The following CAST variants were observed in gnomAD, a reference collection of about 807,000 sequenced individuals.
CAST encodes the protein calpastatin.
A neutral mutation model predicts 119.6 loss-of-function variants in CAST; 76 were observed. That is an observed-to-expected ratio of 0.64 (90% CI 0.53 to 0.77). The LOEUF is 0.77. CAST is among the 30% of genes least tolerant of loss of function. The pLI is 0.00. For missense variants in CAST, 953 were observed against 946.5 expected, an observed-to-expected ratio of 1.01 and a Z score of -0.09; for synonymous variants, 319 against 331.6, an observed-to-expected ratio of 0.96 and a Z score of 0.41.
the CAST span, among the ~76,000 whole-genome samples, chr5:96,072,237 T>C: frequency 2.6e-5 from 4 of 151,928 alleles, no homozygotes; most frequent in Admixed American, 1.3e-4. Context: ...CTGACCCTCG[T>C]GGTTGTGGAG....
At chr5:96,216,685 A>T in the CAST span, among the ~76,000 whole-genome samples, 1 of 152,136 alleles carries the variant, frequency 6.6e-6, no homozygotes, top group African/African-American at 2.4e-5. Context: ...ATGGTGGTGG[A>T]TATGTTTTCC....
chr5:96,742,857 A>G (rs748067447), intron 16 of CAST, 101 bp downstream of exon 16: 2 of 804,290 alleles, frequency 2.5e-6, no homozygotes, highest in Admixed American at 2.1e-5. Flanking sequence ...TTTATTGGAG[A>G]GTAAAAGTGA....
At chr5:96,393,916 G>T in the CAST span, among the ~76,000 whole-genome samples, 42 of 152,284 alleles carry the variant, frequency 2.8e-4, no homozygotes, top group East Asian at 5.4e-3. Flanking sequence ...GCTCAGAGAA[G>T]CCAACCTTGG....
the CAST span, among the ~76,000 whole-genome samples, chr5:96,493,837 C>T: frequency 6.6e-6 from 1 of 152,076 alleles, no homozygotes; most frequent in Non-Finnish European, 1.5e-5. Flanking sequence ...GAGTTCGAGA[C>T]CAGGCTGGCC....
the CAST span, among the ~76,000 whole-genome samples, chr5:96,357,458 G>T: frequency 2.0e-5 from 3 of 152,134 alleles, no homozygotes; most frequent in Middle Eastern, 3.2e-3. Context: ...GTACGATATT[G>T]GCTGTGGGTT....
chr5:96,773,631 ATT>A lies in CAST; in HGVS notation c.*1017_*1018del, dbSNP rs1773239365. The A allele has an allele frequency of 6.6e-6, 1 of 152,028 alleles. No individual in the cohort carries two copies. Among genetic ancestry groups the A allele is most frequent in the South Asian group, 2.1e-4 (1 of 4,830 alleles). 9.4% of individuals were successfully genotyped at this position (152,028 alleles called of 1,614,324 possible). A position where few individuals can be genotyped will look rare whatever the true frequency, so the allele number is the denominator to read the frequency against. On this transcript the variant is annotated 3_prime_UTR_variant, in exon 32 of 32. Coordinates refer to ENST00000675179, the MANE Select transcript of CAST (RefSeq NM_001750.7). ...TATATATATTAAATTTGAAACCTGC[ATT>A]TCTCCCACAGCAATGTAAGAAGTAG... is the stretch of plus-strand genomic sequence containing the variant.
chr5:96,721,358 C>T (rs556164963), intron 3 of CAST, among the ~76,000 whole-genome samples: 2 of 152,248 alleles, frequency 1.3e-5, no homozygotes, highest in African/African-American at 2.4e-5. Flanking sequence ...ATGTGTTCTG[C>T]ATTAACTGAG....
chr5:96,620,999 G>A (rs927541353), intron 1 of CAST, among the ~76,000 whole-genome samples: 3 of 152,096 alleles, frequency 2.0e-5, no homozygotes, highest in African/African-American at 7.2e-5. Flanking sequence ...AGGCAAAGCC[G>A]GTTCTTAACT....
the CAST span, among the ~76,000 whole-genome samples, chr5:96,254,248 C>T: frequency 6.6e-6 from 1 of 152,144 alleles, no homozygotes. Context: ...CTTACTTTCT[C>T]CAGGGCACAA....
the CAST span, among the ~76,000 whole-genome samples, chr5:96,348,484 A>T: frequency 2.0e-5 from 3 of 152,172 alleles, no homozygotes; most frequent in Admixed American, 2.0e-4. Flanking sequence ...CAGATGAAGG[A>T]ATTGCTTTTG....
the CAST span, among the ~76,000 whole-genome samples, chr5:96,363,677 A>G: frequency 6.6e-6 from 1 of 152,082 alleles, no homozygotes; most frequent in Non-Finnish European, 1.5e-5. Context: ...ATTTTTGCAC[A>G]TTGATTTTGT....
chr5:96,412,752 G>GTTTTTTTGTTTTT, the CAST span, among the ~76,000 whole-genome samples: 7 of 71,804 alleles, frequency 9.7e-5, no homozygotes, highest in African/African-American at 6.3e-4. Flanking sequence ...CAGCTGTGAT[G>GTTTTTTTGTTTTT]TTTTTTTTTT....
the CAST span, among the ~76,000 whole-genome samples, chr5:96,241,104 C>T: frequency 6.6e-6 from 1 of 151,688 alleles, no homozygotes; most frequent in East Asian, 1.9e-4. Context: ...GGTACATGTG[C>T]ACAATGTGCA....
chr5:96,536,300 G>A (rs556794946), intron 1 of CAST, among the ~76,000 whole-genome samples: 36 of 152,092 alleles, frequency 2.4e-4, no homozygotes, highest in East Asian at 7.8e-4. Flanking sequence ...TGGAGGTTAC[G>A]GTGAGCCGAG....
At chr5:96,328,267 G>C in the CAST span, among the ~76,000 whole-genome samples, 1 of 152,148 alleles carries the variant, frequency 6.6e-6, no homozygotes, top group Non-Finnish European at 1.5e-5. Context: ...TGCCCAGAAG[G>C]CCTGGATGAG....
the CAST span, among the ~76,000 whole-genome samples, chr5:96,514,663 A>G: frequency 6.6e-6 from 1 of 152,162 alleles, no homozygotes; most frequent in African/African-American, 2.4e-5. Flanking sequence ...CTACTGTATC[A>G]TGAGACTTAT....
chr5:96,479,733 C>A, the CAST span, among the ~76,000 whole-genome samples: 1 of 152,026 alleles, frequency 6.6e-6, no homozygotes, highest in South Asian at 2.1e-4. Context: ...CAGGTGTGAG[C>A]CATGGCACCC....
At chr5:96,084,602 A>G in the CAST span, among the ~76,000 whole-genome samples, 1 of 152,198 alleles carries the variant, frequency 6.6e-6, no homozygotes, top group African/African-American at 2.4e-5. Flanking sequence ...GAAATAATTT[A>G]CTGGAAGTGG....
At chr5:96,661,257 TAAAAAAAA>T (rs59810319), upstream of CAST, among the ~76,000 whole-genome samples, 1 of 67,940 alleles carries the variant, frequency 1.5e-5, no homozygotes, top group Admixed American at 2.0e-4. Context: ...TCTCTACCAT[TAAAAAAAA>T]AAAAAAAAAA....
Sources: gnomAD v4.1 joint callset for allele counts (sites outside exome capture counted in the v4.1 genomes callset) on GRCh38, gnomAD v4.1.1 for gene constraint, MANE v1.5 for transcripts, NCBI Gene and HGNC (gene_info 2026-07-23, HGNC 2026-07-21) for gene names.